The following DLC1 variants were observed in gnomAD, a reference collection of about 807,000 sequenced individuals.
The protein encoded by DLC1 is DLC1 Rho GTPase activating protein.
In DLC1, 54 loss-of-function variants were observed where a neutral mutation model predicts 140.3. That is an observed-to-expected ratio of 0.38 (90% CI 0.31 to 0.48). The LOEUF is 0.48. Ranked by LOEUF, DLC1 falls within the 20% of genes least tolerant of loss-of-function variation. The pLI is 0.96. For missense variants in DLC1, 2,536 were observed against 1,907.0 expected, an observed-to-expected ratio of 1.33 and a Z score of -6.14; for synonymous variants, 986 against 728.1, an observed-to-expected ratio of 1.35 and a Z score of -5.70.
At chr8:13,193,280 T>G (rs1826863597) in intron 5 of DLC1, among the ~76,000 whole-genome samples, 1 of 152,186 alleles carries the variant, frequency 6.6e-6, no homozygotes, top group Admixed American at 6.5e-5. Flanking sequence ...GGTCAGTGTT[T>G]TGAAGCCTAT....
intron 5 of DLC1, among the ~76,000 whole-genome samples, chr8:13,152,067 C>T (rs1468680708): frequency 6.6e-6 from 1 of 152,160 alleles, no homozygotes; most frequent in Non-Finnish European, 1.5e-5. Context: ...ACAGTATGAA[C>T]TTCCCCTCCA....
intron 4 of DLC1, among the ~76,000 whole-genome samples, chr8:13,323,755 T>C (rs1833223735): frequency 6.6e-6 from 1 of 152,234 alleles, no homozygotes; most frequent in African/African-American, 2.4e-5. Context: ...CCTTATTGTT[T>C]GGAATATTTA....
chr8:13,204,125 C>A (rs1034116672), intron 5 of DLC1, among the ~76,000 whole-genome samples: 6 of 152,054 alleles, frequency 3.9e-5, no homozygotes, highest in Non-Finnish European at 8.8e-5. Flanking sequence ...AAAGACTGTT[C>A]TGTTAAGGAA....
intron 1 of DLC1, among the ~76,000 whole-genome samples, chr8:13,602,518 T>C (rs1563469333): frequency 6.6e-6 from 1 of 151,828 alleles, no homozygotes; most frequent in Non-Finnish European, 1.5e-5. Flanking sequence ...TAAAATGACA[T>C]GATGTCTAGG....
chr8:13,276,432 C>G, intron 5 of DLC1: 1 of 1,428,818 alleles, frequency 7.0e-7, no homozygotes, highest in South Asian at 1.4e-5. Flanking sequence ...GCAGCCCGGG[C>G]GCCGCGACCA....
chr8:13,278,217 G>A (rs1042254267), intron 5 of DLC1, among the ~76,000 whole-genome samples: 21 of 152,192 alleles, frequency 1.4e-4, no homozygotes, highest in African/African-American at 3.6e-4. Context: ...GTGCCTGCAC[G>A]GGCCAATTCC....
At chr8:13,508,107 C>T (rs7820887) in intron 1 of DLC1, among the ~76,000 whole-genome samples, 4,194 of 152,264 alleles carry the variant, frequency 0.028, 72 homozygotes, top group Non-Finnish European at 0.033. Flanking sequence ...ATTATTTCAG[C>T]GGTGCTCTAT....
intron 1 of DLC1, among the ~76,000 whole-genome samples, chr8:13,568,663 T>A (rs1804541089): frequency 6.6e-6 from 1 of 152,088 alleles, no homozygotes; most frequent in Non-Finnish European, 1.5e-5. Flanking sequence ...AAAATAAACC[T>A]GCAGAAAAGA....
chr8:13,264,325 G>A (rs756738617), intron 5 of DLC1, among the ~76,000 whole-genome samples: 2 of 151,966 alleles, frequency 1.3e-5, no homozygotes, highest in Non-Finnish European at 2.9e-5. Context: ...CACCTACCTC[G>A]GCCTCCCACA....
At chr8:13,095,418 C>T in intron 10 of DLC1, 173 bp from the exon 11 acceptor site, 1 of 729,462 alleles carries the variant, frequency 1.4e-6, no homozygotes, top group South Asian at 1.8e-5. Flanking sequence ...GTACTGGCCA[C>T]ACTTCAGGTG....
intron 4 of DLC1, among the ~76,000 whole-genome samples, chr8:13,319,862 G>GC (rs1833021508): frequency 9.2e-6 from 1 of 108,228 alleles, no homozygotes; most frequent in East Asian, 3.2e-4. Flanking sequence ...TCGCTCTTTC[G>GC]CCCAGGCTGC....
chr8:13,129,713 G>A (rs149991779), intron 5 of DLC1, among the ~76,000 whole-genome samples: 1 of 152,358 alleles, frequency 6.6e-6, no homozygotes, highest in Non-Finnish European at 1.5e-5. Context: ...TTGGCATGAT[G>A]TGGGTCTGGA....
At chr8:13,245,729 C>T (rs1426515417) in intron 5 of DLC1, among the ~76,000 whole-genome samples, 1 of 151,998 alleles carries the variant, frequency 6.6e-6, no homozygotes, top group Non-Finnish European at 1.5e-5. Flanking sequence ...TGAGACAGAG[C>T]TCACTCTGTC....
At chr8:13,360,373 A>G (rs1361787682) in intron 4 of DLC1, among the ~76,000 whole-genome samples, 1 of 152,206 alleles carries the variant, frequency 6.6e-6, no homozygotes, top group Non-Finnish European at 1.5e-5. Context: ...GGGAGCATAT[A>G]TTGGTATTAT....
At chr8:13,223,623 A>G (rs1158334703) in intron 5 of DLC1, among the ~76,000 whole-genome samples, 1 of 152,232 alleles carries the variant, frequency 6.6e-6, no homozygotes, top group Admixed American at 6.5e-5. Context: ...TCCTTTGTAC[A>G]CATTTTTGTG....
chr8:13,404,000 T>C (rs562757358), intron 2 of DLC1, among the ~76,000 whole-genome samples: 1 of 152,248 alleles, frequency 6.6e-6, no homozygotes, highest in African/African-American at 2.4e-5. Context: ...CATCCAGTAA[T>C]GCCCCATGAC....
intron 5 of DLC1, among the ~76,000 whole-genome samples, chr8:13,166,818 G>C (rs1480674301): frequency 1.3e-5 from 2 of 152,212 alleles, no homozygotes; most frequent in Non-Finnish European, 2.9e-5. Context: ...GGGGGAGAAA[G>C]ACTGCAGGTG....
At chr8:13,117,601 T>G (rs1820666615) in intron 5 of DLC1, among the ~76,000 whole-genome samples, 1 of 152,286 alleles carries the variant, frequency 6.6e-6, no homozygotes, top group African/African-American at 2.4e-5. Flanking sequence ...CTCATTTCAT[T>G]TGGCTACTTA....
chr8:13,354,495 C>T (rs1834829766), intron 4 of DLC1, among the ~76,000 whole-genome samples: 1 of 145,100 alleles, frequency 6.9e-6, no homozygotes, highest in Non-Finnish European at 1.5e-5. Flanking sequence ...TTAGTATGGG[C>T]ATGGAAATAA....
Sources: gnomAD v4.1 joint callset for allele counts (sites outside exome capture counted in the v4.1 genomes callset) on GRCh38, gnomAD v4.1.1 for gene constraint, MANE v1.5 for transcripts, NCBI Gene and HGNC (gene_info 2026-07-23, HGNC 2026-07-21) for gene names.